GSAP: variants seen among roughly 807,000 people sequenced by gnomAD.
GSAP encodes gamma-secretase-activating protein.
A neutral mutation model predicts 131.7 loss-of-function variants in GSAP; 118 were observed. The ratio of observed to expected loss-of-function variants is 0.90; its 90% CI spans 0.77 to 1.04. The LOEUF (loss-of-function observed/expected upper bound fraction) is 1.04, where lower values mean the gene tolerates loss of function less well. GSAP is among the 50% of genes least tolerant of loss of function. GSAP has a pLI of 0.00. For synonymous variants in GSAP, 381 were observed against 363.4 expected (o/e 1.05, Z -0.55); for missense variants, 1,019 against 1,013.2 (o/e 1.01, Z -0.08).
chr7:77,381,609 A>C (rs1797820496), intron 7 of GSAP, among the ~76,000 whole-genome samples: 1 of 152,110 alleles, frequency 6.6e-6, no homozygotes. Context: ...ACAATACATG[A>C]AGTATTTAGC....
intron 12 of GSAP, among the ~76,000 whole-genome samples, chr7:77,371,858 A>C (rs1796164769): frequency 6.6e-6 from 1 of 152,210 alleles, no homozygotes; most frequent in Non-Finnish European, 1.5e-5. Flanking sequence ...ACAGGTGAAA[A>C]GCTGAGAATA....
rs1231260884 is a variant in GSAP at position 77,353,570 on chromosome 7, A to G, written c.1408+2T>C. ...TTAAGCTGCAACATCAGCAACACTT[A>G]CCAATTATAAATTCCTGAATGAGGT... On this transcript the variant is annotated splice_donor_variant, in intron 17 of 30. Coordinates refer to ENST00000257626, the MANE Select transcript of GSAP (RefSeq NM_017439.4). LOFTEE classifies it high-confidence loss of function. 6.3e-7 allele frequency: 1 copy of G among 1,599,032 alleles called. No individual in the cohort carries two copies. Among genetic ancestry groups the G allele is most frequent in the Non-Finnish European group, 8.6e-7 (1 of 1,167,084 alleles).
intron 12 of GSAP, among the ~76,000 whole-genome samples, chr7:77,366,574 C>T (rs1178916510): frequency 1.3e-5 from 2 of 152,108 alleles, no homozygotes; most frequent in Non-Finnish European, 2.9e-5. Flanking sequence ...TTCGCTATTC[C>T]ATTCTATTGG....
At chr7:77,382,162 G>A (rs1432329088) in intron 7 of GSAP, among the ~76,000 whole-genome samples, 3 of 151,742 alleles carry the variant, frequency 2.0e-5, no homozygotes, top group Non-Finnish European at 2.9e-5. Flanking sequence ...GTCTTCTCAA[G>A]TTCTGCCATG....
upstream of GSAP, chr7:77,416,510 G>A: frequency 4.9e-6 from 2 of 409,452 alleles, no homozygotes; most frequent in Non-Finnish European, 8.7e-6. Flanking sequence ...CCGGCGGCCC[G>A]CACCTGAGCC....
intron 19 of GSAP, among the ~76,000 whole-genome samples, chr7:77,337,423 C>T (rs1248231040): frequency 2.0e-5 from 3 of 152,188 alleles, no homozygotes; most frequent in Non-Finnish European, 4.4e-5. Flanking sequence ...GATCCACCCG[C>T]CTCGGCCTCC....
intron 19 of GSAP, among the ~76,000 whole-genome samples, chr7:77,338,973 T>G (rs1427270432): frequency 6.6e-6 from 1 of 152,004 alleles, no homozygotes; most frequent in African/African-American, 2.4e-5. Context: ...ACTTATCTAC[T>G]AAGGAGAAAA....
intron 6 of GSAP, among the ~76,000 whole-genome samples, chr7:77,383,721 A>C (rs567434359): frequency 6.6e-6 from 1 of 152,322 alleles, no homozygotes; most frequent in Non-Finnish European, 1.5e-5. Flanking sequence ...GGGCAATTGT[A>C]AACCAGCCAT....
At chr7:77,391,180 T>C (rs1469422285) in intron 5 of GSAP, among the ~76,000 whole-genome samples, 1 of 148,606 alleles carries the variant, frequency 6.7e-6, no homozygotes, top group African/African-American at 2.5e-5. Flanking sequence ...ATATTTGGCT[T>C]TTTTTTTTAA....
chr7:77,331,945 T>A (rs1454263321), intron 19 of GSAP: 1 of 151,530 alleles, frequency 6.6e-6, no homozygotes, highest in Non-Finnish European at 1.5e-5. Context: ...TTGATGGAAT[T>A]AGGTCCCTGA....
chr7:77,364,461 A>G (rs6952277), intron 12 of GSAP, among the ~76,000 whole-genome samples: 45,985 of 147,998 alleles, frequency 0.31, 8,109 homozygotes, highest in African/African-American at 0.49. Context: ...TCATAGGTGG[A>G]AACTGAACAA....
At chr7:77,357,385 A>C (rs1160056818) in intron 14 of GSAP, among the ~76,000 whole-genome samples, 1 of 152,154 alleles carries the variant, frequency 6.6e-6, no homozygotes, top group Non-Finnish European at 1.5e-5. Context: ...AGATGGGGAG[A>C]CTATCCTGGA....
chr7:77,405,377 C>T (rs567827603), intron 2 of GSAP, among the ~76,000 whole-genome samples: 67 of 152,302 alleles, frequency 4.4e-4, no homozygotes, highest in African/African-American at 1.6e-3. Context: ...TTAATATTTT[C>T]TCCAATGATA....
intron 12 of GSAP, among the ~76,000 whole-genome samples, chr7:77,373,353 A>G (rs1244546141): frequency 2.0e-5 from 3 of 152,250 alleles, no homozygotes; most frequent in Non-Finnish European, 2.9e-5. Context: ...ATGGGTGAAT[A>G]TCCCACAATA....
In GSAP at chr7:77,355,244, C is replaced by T. The variant is rs576747949; in HGVS notation, c.1307G>A (p.Cys436Tyr). The T allele has an allele frequency of 1.1e-5, 18 of 1,613,752 alleles. No homozygotes were observed. In the Middle Eastern group the frequency reaches 1.5e-3, roughly 133 times the overall value. The change falls in exon 16 of 31, where the codon TGC (cysteine) becomes TAC (tyrosine). Residue 436 changes from cysteine to tyrosine, a missense_variant. By Grantham distance (194) the Cys-to-Tyr change is radical. Transcript: ENST00000257626. ...TTCCAGGAACTGCGCACCTTGACCGCAGTAGAGCGCGCAGTGCAACGCAGC... is the reference window on the plus strand; with the variant it reads ...TTCCAGGAACTGCGCACCTTGACCGTAGTAGAGCGCGCAGTGCAACGCAGC... ...KMAALHCALY[C>Y]GQGAQFLEAQ...
chr7:77,380,930 A>G (rs1797705240), intron 8 of GSAP, among the ~76,000 whole-genome samples: 1 of 152,208 alleles, frequency 6.6e-6, no homozygotes, highest in South Asian at 2.1e-4. Context: ...CCTGCTAAGC[A>G]AAAAGTAAAC....
chr7:77,332,532 G>C (rs192581966), intron 19 of GSAP, among the ~76,000 whole-genome samples: 4 of 152,168 alleles, frequency 2.6e-5, no homozygotes, highest in African/African-American at 9.7e-5. Context: ...CCCACTGCCT[G>C]AATGTAAAAT....
intron 1 of GSAP, chr7:77,415,638 C>T (rs1367102520): frequency 6.6e-6 from 1 of 152,366 alleles, no homozygotes; most frequent in African/African-American, 2.4e-5. Context: ...GGAGGCGGCC[C>T]CTGCCCTCTT....
At chr7:77,393,205 C>T (rs1198540372) in intron 5 of GSAP, among the ~76,000 whole-genome samples, 1 of 152,122 alleles carries the variant, frequency 6.6e-6, no homozygotes, top group Non-Finnish European at 1.5e-5. Flanking sequence ...AGACAAACCA[C>T]ATCTTATAAT....
Sources: allele counts gnomAD v4.1 joint callset (sites outside exome capture counted in the v4.1 genomes callset), GRCh38; gene constraint gnomAD v4.1.1; transcripts MANE v1.5; gene names NCBI Gene and HGNC (gene_info 2026-07-23, HGNC 2026-07-21).